Variants in NAGS observed in about 807,000 individuals in gnomAD.
NAGS encodes N-acetylglutamate synthase, mitochondrial.
Under a neutral mutation model 46.9 loss-of-function variants are expected in NAGS, and 34 were observed. The ratio of observed to expected loss-of-function variants is 0.72; its 90% CI spans 0.55 to 0.97. The LOEUF is 0.97. NAGS is among the 50% of genes least tolerant of loss of function. NAGS has a pLI of 0.00. For missense variants in NAGS, 665 were observed against 747.0 expected (o/e 0.89, Z 1.28); for synonymous variants, 334 against 346.3 (o/e 0.96, Z 0.39).
rs944235588 is a variant in NAGS, at chr17:44,006,726, G to A, written c.1096+17G>A. On this transcript the variant is annotated intron_variant, in intron 4 of 6. Coordinates refer to ENST00000293404, the MANE Select transcript of NAGS (RefSeq NM_153006.3). This position sits in a 1 kb window ranked among gnomAD's most constrained non-coding sequence, Gnocchi z 4.8. Reference sequence around the variant, plus strand: ...GCAACAAGGGTGAGGGCGGTGGGCGGGCCGGGGACTGGGTCCCGGGAGTGA... The same window carrying A: ...GCAACAAGGGTGAGGGCGGTGGGCGAGCCGGGGACTGGGTCCCGGGAGTGA... 2 of 1,587,462 alleles carry A rather than the reference G, an allele frequency of 1.3e-6. No homozygotes were observed. The highest frequency in any genetic ancestry group is 1.7e-6 in the Non-Finnish European group (2 of 1,163,306).
chr17:44,006,411 G>A lies in NAGS; in HGVS notation c.916-118G>A. On this transcript the variant is annotated intron_variant, in intron 3 of 6. Coordinates refer to ENST00000293404, the MANE Select transcript of NAGS (RefSeq NM_153006.3). The surrounding 1 kb of genome is among the most constrained non-coding windows in gnomAD (Gnocchi z 4.8). ...GGTGCCCAGATCTGCGCCCTCCCTG[G>A]CTAAGGACTCCGGGCGGAAGTAAGG... 1 of 1,491,676 alleles carries A rather than the reference G, an allele frequency of 6.7e-7. No individual in the cohort carries two copies. The highest frequency in any genetic ancestry group is 1.2e-5 in the South Asian group (1 of 81,960). 92.4% of individuals were successfully genotyped at this position (1,491,676 alleles called of 1,614,324 possible).
rs1043254475 is a variant in NAGS at position 44,005,151 on chromosome 17, C to A, written c.426+62C>A. ...GGGATGGGGTTGTGCGGCCACCTGT[C>A]CTCAGGCATGGCAGGATACGCTGCG... On this transcript the variant is annotated intron_variant, in intron 1 of 6. Transcript: ENST00000293404. This position sits in a 1 kb window ranked among gnomAD's most constrained non-coding sequence, Gnocchi z 7.2. The A allele has an allele frequency of 6.6e-7, 1 of 1,516,722 alleles. No homozygotes were observed. Among genetic ancestry groups the A allele is most frequent in the Admixed American group, 2.0e-5 (1 of 50,548 alleles). The allele number at this position is 1,516,722 out of a possible 1,614,324, so 94.0% of individuals were successfully genotyped here. A position where few individuals can be genotyped will look rare whatever the true frequency, so the allele number is the denominator to read the frequency against.
Position 44,006,205 on chromosome 17 carries a change from A to G in NAGS, c.883A>G (p.Asn295Asp). 10 of 1,613,046 alleles carry G rather than the reference A, an allele frequency of 6.2e-6. No homozygotes were observed. Among genetic ancestry groups the G allele is most frequent in the Non-Finnish European group, 8.5e-6 (10 of 1,179,962 alleles). Reference protein sequence around the residue: ...LRPTKIIFLNNTGGLRDSSHK... With the variant: ...LRPTKIIFLNDTGGLRDSSHK... ...GCCCACCAAAATCATCTTCCTCAAT[A>G]ACACAGGCGGCCTGCGCGACAGCAG... Residue 295 changes from asparagine to aspartate, a missense_variant, in exon 3 of 7, where the codon AAC becomes GAC. Asn to Asp is a conservative substitution (Grantham distance 23). Coordinates refer to ENST00000293404, the MANE Select transcript of NAGS (RefSeq NM_153006.3). This position sits in a 1 kb window ranked among gnomAD's most constrained non-coding sequence, Gnocchi z 4.8.
At chr17:44,008,224 C>T (rs1283216657) in intron 6 of NAGS, among the ~76,000 whole-genome samples, 1 of 152,226 alleles carries the variant, frequency 6.6e-6, no homozygotes, top group Non-Finnish European at 1.5e-5. Context: ...TGGCAAGGTA[C>T]CTAACTTCTC....
At position 44,005,784 on chromosome 17, in the gene NAGS, G is replaced by A; in HGVS notation, c.574G>A (p.Ala192Thr). 6.3e-7 allele frequency: 1 copy of A among 1,589,954 alleles called. No individual in the cohort carries two copies. The highest frequency in any genetic ancestry group is 1.1e-5 in the South Asian group (1 of 87,472). The change falls in exon 2 of 7, where the codon GCC (alanine) becomes ACC (threonine). Residue 192 changes from alanine (A) to threonine (T), a missense_variant. Transcript: ENST00000293404. This position sits in a 1 kb window ranked among gnomAD's most constrained non-coding sequence, Gnocchi z 7.2. ...CTCGGGCTGTCTTTCCTTCTGGGAG[G>A]CCAAGGCGCAGCTGGCCAAGAGCTG... ...APSGCLSFWEAKAQLAKSCKV... is the reference protein window; with the variant it reads ...APSGCLSFWETKAQLAKSCKV...
Position 44,007,621 on chromosome 17 carries a change from G to A in NAGS, c.1299G>A (p.Glu433=), listed in dbSNP as rs104894607. Residue 433 remains glutamate, a synonymous_variant, in exon 6 of 7, where the codon GAG becomes GAA. Coordinates refer to ENST00000293404, the MANE Select transcript of NAGS (RefSeq NM_153006.3). This position sits in a 1 kb window ranked among gnomAD's most constrained non-coding sequence, Gnocchi z 5.1. ...ACGCCGCCGCCATTCTGACCATGGA[G>A]CCCGTCCTGGGGGGCACCCCGTACC... is the stretch of plus-strand genomic sequence containing the variant. The part of the protein sequence containing the change: ...GYNAAAILTM[E]PVLGGTPYLD... 3 of 1,606,594 alleles carry A rather than the reference G, an allele frequency of 1.9e-6. No homozygotes were observed. Among genetic ancestry groups the A allele is most frequent in the South Asian group, 2.2e-5 (2 of 90,160 alleles).
At position 44,007,872 on chromosome 17, in the gene NAGS, C is replaced by A; in HGVS notation, c.1451+99C>A. 1 of 1,250,430 alleles carries A rather than the reference C, an allele frequency of 8.0e-7. No individual in the cohort carries two copies. The highest frequency in any genetic ancestry group is 1.1e-6 in the Non-Finnish European group (1 of 875,274). 77.5% of individuals were successfully genotyped at this position (1,250,430 alleles called of 1,614,324 possible). A position where few individuals can be genotyped will look rare whatever the true frequency, so the allele number is the denominator to read the frequency against. On this transcript the variant is annotated intron_variant, in intron 6 of 6. Coordinates refer to ENST00000293404, the MANE Select transcript of NAGS (RefSeq NM_153006.3). This position sits in a 1 kb window ranked among gnomAD's most constrained non-coding sequence, Gnocchi z 5.1. ...AAGAAGGCTGGGCTTCCTCTTCTTC[C>A]ACTGGTCTCCCTTTCACTACCTCCC...
In NAGS at chr17:44,007,852, G is replaced by C; in HGVS notation, c.1451+79G>C. On this transcript the variant is annotated intron_variant, in intron 6 of 6. Transcript: ENST00000293404. The surrounding 1 kb of genome is among the most constrained non-coding windows in gnomAD (Gnocchi z 5.1). ...CCACCCTTGCCAACCATGCCAAGAA[G>C]GCTGGGCTTCCTCTTCTTCCACTGG... 6.9e-7 allele frequency: 1 copy of C among 1,444,958 alleles called. No homozygotes were observed. Among genetic ancestry groups the C allele is most frequent in the Non-Finnish European group, 9.5e-7 (1 of 1,050,670 alleles). 89.5% of individuals were successfully genotyped at this position (1,444,958 alleles called of 1,614,324 possible). A position where few individuals can be genotyped will look rare whatever the true frequency, so the allele number is the denominator to read the frequency against.
At position 44,004,701 on chromosome 17, in the gene NAGS, C is replaced by T; in HGVS notation, c.38C>T (p.Ala13Val). The T allele has an allele frequency of 6.6e-7, 1 of 1,526,556 alleles. No individual in the cohort carries two copies. Among genetic ancestry groups the T allele is most frequent in the African/African-American group, 1.4e-5 (1 of 70,644 alleles). The allele number at this position is 1,526,556 out of a possible 1,614,324, so 94.6% of individuals were successfully genotyped here. A position where few individuals can be genotyped will look rare whatever the true frequency, so the allele number is the denominator to read the frequency against. ...CTGATGGCTGTGGTTCTGCGGGCAGCTGCTGTAGCCCCGAGGCTGAGAGGC... is the reference window on the plus strand; with the variant it reads ...CTGATGGCTGTGGTTCTGCGGGCAGTTGCTGTAGCCCCGAGGCTGAGAGGC... ...TALMAVVLRAAAVAPRLRGRG... is the reference protein window; with the variant it reads ...TALMAVVLRAVAVAPRLRGRG... Residue 13 changes from alanine to valine, a missense_variant, in exon 1 of 7, where the codon GCT becomes GTT. Transcript: ENST00000293404.
chr17:44,004,685 G>C lies in NAGS; in HGVS notation c.22G>C (p.Val8Leu). ...CGTCATGGCGACGGCGCTGATGGCT[G>C]TGGTTCTGCGGGCAGCTGCTGTAGC... is the stretch of plus-strand genomic sequence containing the variant. MATALMAVVLRAAAVAPR... is the reference protein window; with the variant it reads MATALMALVLRAAAVAPR... The change falls in exon 1 of 7, where the codon GTG becomes CTG. Residue 8 changes from valine (V) to leucine (L), a missense_variant. Val to Leu is a conservative substitution (Grantham distance 32). Coordinates refer to ENST00000293404, the MANE Select transcript of NAGS (RefSeq NM_153006.3). 6.5e-7 allele frequency: 1 copy of C among 1,534,528 alleles called. No individual in the cohort carries two copies. The highest frequency in any genetic ancestry group is 1.3e-5 in the South Asian group (1 of 79,756).
At position 44,007,756 on chromosome 17, in the gene NAGS, C is replaced by A; in HGVS notation, c.1434C>A (p.Thr478=). 1 of 1,581,374 alleles carries A rather than the reference C, an allele frequency of 6.3e-7. No individual in the cohort carries two copies. Among genetic ancestry groups the A allele is most frequent in the South Asian group, 1.2e-5 (1 of 86,296 alleles). ...LQTLFWRSRV[T]NPINPWYFKH... is the part of the protein sequence containing the mutation. ...CACTTTTCTGGCGCTCCCGGGTCACCAACCCCATCAATCCCTGGTAGGTCC... is the reference window on the plus strand; with the variant it reads ...CACTTTTCTGGCGCTCCCGGGTCACAAACCCCATCAATCCCTGGTAGGTCC... Residue 478 remains threonine (T), a synonymous_variant, in exon 6 of 7, where the codon ACC becomes ACA. Coordinates refer to ENST00000293404, the MANE Select transcript of NAGS (RefSeq NM_153006.3). This position sits in a 1 kb window ranked among gnomAD's most constrained non-coding sequence, Gnocchi z 5.1.
chr17:44,008,971 T>G lies in NAGS; in HGVS notation c.*370T>G. The G allele has an allele frequency of 3.2e-6, 1 of 308,832 alleles. No homozygotes were observed. Among genetic ancestry groups the G allele is most frequent in the African/African-American group, 2.1e-5 (1 of 47,704 alleles). The allele number at this position is 308,832 out of a possible 1,614,324, so 19.1% of individuals were successfully genotyped here. A position where few individuals can be genotyped will look rare whatever the true frequency, so the allele number is the denominator to read the frequency against. On this transcript the variant is annotated 3_prime_UTR_variant, in exon 7 of 7. Coordinates refer to ENST00000293404, the MANE Select transcript of NAGS (RefSeq NM_153006.3). The stretch of plus-strand genomic sequence containing the variant: ...TTTGAGGCTCCCTTACCCAAAATAA[T>G]ACCCCTGCCTGCGTGATATTCTACC...
rs1180741674 is a variant in NAGS at position 44,007,381 on chromosome 17, G to A, written c.1155G>A (p.Lys385=). 30 of 1,613,944 alleles carry A rather than the reference G, an allele frequency of 1.9e-5. No homozygotes were observed. Among genetic ancestry groups the A allele is most frequent in the Non-Finnish European group, 2.5e-5 (29 of 1,180,012 alleles). Residue 385 remains lysine, a synonymous_variant, in exon 5 of 7, where the codon AAG becomes AAA. Transcript: ENST00000293404. The surrounding 1 kb of genome is among the most constrained non-coding windows in gnomAD (Gnocchi z 5.1). ...ERMLRVRSLD[K]LDQGRLVDLV... ...TGCTACGGGTGCGCAGCCTGGACAA[G>A]CTGGACCAGGGCCGTCTAGTGGACC...
In NAGS at chr17:44,007,549, A is replaced by C; in HGVS notation, c.1269-42A>C. On this transcript the variant is annotated intron_variant, in intron 5 of 6. Coordinates refer to ENST00000293404, the MANE Select transcript of NAGS (RefSeq NM_153006.3). The surrounding 1 kb of genome is among the most constrained non-coding windows in gnomAD (Gnocchi z 5.1). ...CTGGGGGGCAGTCGGGCAGCTTCGG[A>C]CCAAGGAGAGGTCCCAGCCTGCCGC... 1 of 1,612,568 alleles carries C rather than the reference A, an allele frequency of 6.2e-7. No individual in the cohort carries two copies. Among genetic ancestry groups the C allele is most frequent in the Non-Finnish European group, 8.5e-7 (1 of 1,179,528 alleles).
In NAGS at chr17:44,004,654, G is replaced by T. The variant is rs749747354; in HGVS notation, c.-10G>T. 5.3e-6 allele frequency: 8 copies of T among 1,519,054 alleles called. No individual in the cohort carries two copies. Among genetic ancestry groups the T allele is most frequent in the Non-Finnish European group, 8.8e-7 (1 of 1,131,058 alleles). The allele number at this position is 1,519,054 out of a possible 1,614,324, so 94.1% of individuals were successfully genotyped here. Reference sequence around the variant, plus strand: ...CTGCCACTCTTGGGGGGCAAGAGTTGGTTGTCGTCATGGCGACGGCGCTGA... The same window carrying T: ...CTGCCACTCTTGGGGGGCAAGAGTTTGTTGTCGTCATGGCGACGGCGCTGA... On this transcript the variant is annotated 5_prime_UTR_variant, in exon 1 of 7. Transcript: ENST00000293404.
In NAGS at chr17:44,006,786, G is replaced by A; in HGVS notation, c.1096+77G>A. 1 of 1,451,898 alleles carries A rather than the reference G, an allele frequency of 6.9e-7. No individual in the cohort carries two copies. Among genetic ancestry groups the A allele is most frequent in the Non-Finnish European group, 9.3e-7 (1 of 1,079,344 alleles). 89.9% of individuals were successfully genotyped at this position (1,451,898 alleles called of 1,614,324 possible). A position where few individuals can be genotyped will look rare whatever the true frequency, so the allele number is the denominator to read the frequency against. ...GGGGCTGGGTGTCTGCGGTCAGGAGGAGCGGCTTCTCCTCCTGTCCAGGAG... is the reference window on the plus strand; with the variant it reads ...GGGGCTGGGTGTCTGCGGTCAGGAGAAGCGGCTTCTCCTCCTGTCCAGGAG... On this transcript the variant is annotated intron_variant, in intron 4 of 6. Coordinates refer to ENST00000293404, the MANE Select transcript of NAGS (RefSeq NM_153006.3). The surrounding 1 kb of genome is among the most constrained non-coding windows in gnomAD (Gnocchi z 4.8).
In NAGS at chr17:44,006,045, G is replaced by A. The variant is rs1475407089; in HGVS notation, c.723G>A (p.Val241=). 7.5e-6 allele frequency: 12 copies of A among 1,606,522 alleles called. No homozygotes were observed. Among genetic ancestry groups the A allele is most frequent in the Non-Finnish European group, 1.0e-5 (12 of 1,178,082 alleles). The stretch of plus-strand genomic sequence containing the variant: ...ACAGCTACGGCGGCATCGTCTCGGT[G>A]GAGACAGACCTGCTGCAGTGGTGCC... The part of the protein sequence containing the change: ...PHASYGGIVS[V]ETDLLQWCLE... Residue 241 remains valine (V), a synonymous_variant, in exon 3 of 7, where the codon GTG becomes GTA. Transcript: ENST00000293404. The surrounding 1 kb of genome is among the most constrained non-coding windows in gnomAD (Gnocchi z 4.8).
rs1487715744 is a variant in NAGS, at chr17:44,007,013, G to A, written c.1096+304G>A. 1 of 539,638 alleles carries A rather than the reference G, an allele frequency of 1.9e-6. No homozygotes were observed. The highest frequency in any genetic ancestry group is 3.3e-5 in the Admixed American group (1 of 30,366). The allele number at this position is 539,638 out of a possible 1,614,324, so 33.4% of individuals were successfully genotyped here. A position where few individuals can be genotyped will look rare whatever the true frequency, so the allele number is the denominator to read the frequency against. ...CCATAAGGGAGGTGTTCGACCGGGA[G>A]AGATGGGCGGGGCTTAGGTGGGTGG... On this transcript the variant is annotated intron_variant, in intron 4 of 6. Coordinates refer to ENST00000293404, the MANE Select transcript of NAGS (RefSeq NM_153006.3). The surrounding 1 kb of genome is among the most constrained non-coding windows in gnomAD (Gnocchi z 5.1).
Position 44,006,653 on chromosome 17 carries a change from C to T in NAGS, c.1040C>T (p.Ser347Phe). ...VDVLSRLPHH[S>F]SAVITAASTL... ...GTGCTCAGCCGCCTGCCCCACCACT[C>T]CTCGGCCGTCATCACCGCCGCTAGC... The change falls in exon 4 of 7, where the codon TCC (serine) becomes TTC (phenylalanine). Residue 347 changes from serine (S) to phenylalanine (F), a missense_variant. Ser to Phe is a radical substitution (Grantham distance 155, BLOSUM62 -2). Transcript: ENST00000293404. The surrounding 1 kb of genome is among the most constrained non-coding windows in gnomAD (Gnocchi z 4.8). 6.2e-7 allele frequency: 1 copy of T among 1,608,938 alleles called. No individual in the cohort carries two copies. The highest frequency in any genetic ancestry group is 8.5e-7 in the Non-Finnish European group (1 of 1,177,686).
Sources: allele counts gnomAD v4.1 joint callset (sites outside exome capture counted in the v4.1 genomes callset), GRCh38; gene constraint gnomAD v4.1.1; non-coding constraint Gnocchi (gnomAD v3.1); transcripts MANE v1.5; gene names NCBI Gene and HGNC (gene_info 2026-07-23, HGNC 2026-07-21).